SH2D3C: variants seen among roughly 807,000 people sequenced by gnomAD.
The protein encoded by SH2D3C is SH2 domain-containing protein 3C.
SH2D3C carries 25 observed loss-of-function variants against 75.2 expected under a neutral mutation model. The observed-to-expected ratio is 0.33, with a 90% confidence interval of 0.24 to 0.46. SH2D3C has a LOEUF of 0.46. Ranked by LOEUF, SH2D3C falls within the 20% of genes least tolerant of loss-of-function variation. The pLI is 1.00. For synonymous variants in SH2D3C, 450 were observed against 473.7 expected, an observed-to-expected ratio of 0.95 and a Z score of 0.65; for missense variants, 933 against 1,165.3, an observed-to-expected ratio of 0.80 and a Z score of 2.90.
At chr9:127,760,366 T>C (rs956145266) in intron 3 of SH2D3C, among the ~76,000 whole-genome samples, 1 of 152,100 alleles carries the variant, frequency 6.6e-6, no homozygotes, top group African/African-American at 2.4e-5. Context: ...GGCATCAAAC[T>C]TGGGGTGTAA....
chr9:127,764,711 G>GTTGTTT (rs1396962363), intron 2 of SH2D3C, among the ~76,000 whole-genome samples: 1 of 152,090 alleles, frequency 6.6e-6, no homozygotes, highest in African/African-American at 2.4e-5. Context: ...TGTTGTTGTT[G>GTTGTTT]TTGTTGTTGC....
At chr9:127,752,408 C>T (rs978428753) in intron 3 of SH2D3C, among the ~76,000 whole-genome samples, 1 of 152,148 alleles carries the variant, frequency 6.6e-6, no homozygotes, top group Admixed American at 6.5e-5. Context: ...CTTCCCCCAC[C>T]TCCAGGCCCC....
intron 3 of SH2D3C, among the ~76,000 whole-genome samples, chr9:127,753,310 C>T (rs1463708869): frequency 2.0e-5 from 3 of 151,728 alleles, no homozygotes; most frequent in East Asian, 1.9e-4. Flanking sequence ...GGGAGCAGGG[C>T]GGAGGGGTCA....
At chr9:127,766,265 CA>C (rs11286039) in intron 2 of SH2D3C, among the ~76,000 whole-genome samples, 5,408 of 152,310 alleles carry the variant, frequency 0.036, 324 homozygotes, top group African/African-American at 0.12. Flanking sequence ...GAGGCCTGGA[CA>C]TACGTCCTCA....
At chr9:127,748,833 G>A (rs556528023) in intron 5 of SH2D3C, among the ~76,000 whole-genome samples, 20 of 152,330 alleles carry the variant, frequency 1.3e-4, no homozygotes, top group African/African-American at 4.8e-4. Context: ...AGCTGGGTAG[G>A]ATGAGGAGGG....
At position 127,741,922 on chromosome 9, in the gene SH2D3C, G is replaced by C. The variant is rs761551007; in HGVS notation, c.1954C>G (p.Leu652Val). Residue 652 changes from leucine (L) to valine (V), a missense_variant, in exon 9 of 12, where the codon CTG becomes GTG. By Grantham distance (32) the Leu-to-Val change is conservative. Transcript: ENST00000314830. ...TMSIMLAVDI[L>V]GCTGSAEERA... Reference sequence around the variant, plus strand: ...TCCTCCGCAGAGCCGGTGCAGCCCAGGATGTCCACGGCCAGCATGATGGAC... The same window carrying C: ...TCCTCCGCAGAGCCGGTGCAGCCCACGATGTCCACGGCCAGCATGATGGAC... The C allele has an allele frequency of 5.0e-6, 8 of 1,612,772 alleles. No homozygotes were observed. In the African/African-American group the frequency reaches 9.3e-5, roughly 19 times the overall value.
intron 2 of SH2D3C, chr9:127,762,094 C>G (rs550012001): frequency 1.6e-6 from 1 of 635,718 alleles, no homozygotes; most frequent in Admixed American, 5.5e-5. Flanking sequence ...TGGAGGGCCC[C>G]AAGTGGGGAT....
intron 8 of SH2D3C, chr9:127,742,536 C>A: frequency 3.5e-6 from 1 of 284,734 alleles, no homozygotes; most frequent in Non-Finnish European, 6.6e-6. Flanking sequence ...CGCGCCCGGC[C>A]AGGCAGAGCA....
In SH2D3C at chr9:127,757,272, A is replaced by ATT. The variant is rs60217641; in HGVS notation, c.555+4337_555+4338dup. Among the ~76,000 whole-genome samples, 174 of 138,668 alleles carry ATT rather than the reference A, an allele frequency of 1.3e-3. 2 individuals are homozygous for ATT. Among genetic ancestry groups the ATT allele is most frequent in the African/African-American group, 4.2e-3 (155 of 37,070 alleles). The allele number at this position is 138,668 out of a possible 152,430, so 91.0% of individuals were successfully genotyped here. A position where few individuals can be genotyped will look rare whatever the true frequency, so the allele number is the denominator to read the frequency against. ...ATTGATTCCTTTTAACCCTCATTTGATTTTTTTTTTTTTTTGAGAGGCAGG... is the reference window on the plus strand; with the variant it reads ...ATTGATTCCTTTTAACCCTCATTTGATTTTTTTTTTTTTTTTTGAGAGGCAGG... On this transcript the variant is annotated intron_variant, in intron 3 of 11. Coordinates refer to ENST00000314830, the MANE Select transcript of SH2D3C (RefSeq NM_170600.3).
Position 127,761,653 on chromosome 9 carries a change from G to A in SH2D3C, c.516-3C>T, listed in dbSNP as rs1845529787. 2 of 1,610,968 alleles carry A rather than the reference G, an allele frequency of 1.2e-6. No homozygotes were observed. Among genetic ancestry groups the A allele is most frequent in the Non-Finnish European group, 1.7e-6 (2 of 1,178,404 alleles). On this transcript the variant is annotated splice_region_variant and splice_polypyrimidine_tract_variant and intron_variant, in intron 2 of 11. Coordinates refer to ENST00000314830, the MANE Select transcript of SH2D3C (RefSeq NM_170600.3). ...CAGCCTCTGGCTCTCCAGCAGCCCT[G>A]GAAGGAGAAAAGACAAGTGAGCATC...
intron 8 of SH2D3C, 93 bp downstream of exon 8, chr9:127,742,756 G>T: frequency 3.3e-6 from 3 of 903,768 alleles, no homozygotes; most frequent in Non-Finnish European, 5.0e-6. Flanking sequence ...TGGGAGCCGA[G>T]CTGAGGCTGT....
At chr9:127,758,171 G>C (rs1037487633) in intron 3 of SH2D3C, among the ~76,000 whole-genome samples, 2 of 150,832 alleles carry the variant, frequency 1.3e-5, no homozygotes. Flanking sequence ...ACAGGATCTT[G>C]CTATGTTGCC....
Position 127,754,996 on chromosome 9 carries a change from C to A in SH2D3C, c.556-3696G>T. 2 of 657,168 alleles carry A rather than the reference C, an allele frequency of 3.0e-6. No homozygotes were observed. The highest frequency in any genetic ancestry group is 4.2e-6 in the Non-Finnish European group (2 of 478,668). 40.7% of individuals were successfully genotyped at this position (657,168 alleles called of 1,614,324 possible). ...TGCCGGGCGCCGCTGAGCTGCAGCT[C>A]CCCGGCTGGCTCTAGGGCCCCGGGC... On this transcript the variant is annotated intron_variant, in intron 3 of 11. Transcript: ENST00000314830. This position sits in a 1 kb window ranked among gnomAD's most constrained non-coding sequence, Gnocchi z 4.4.
chr9:127,767,333 G>C (rs1409088899), intron 2 of SH2D3C: 1 of 1,428,222 alleles, frequency 7.0e-7, no homozygotes, highest in African/African-American at 1.4e-5. Context: ...GGGAACGCCT[G>C]GATCTCGAAG....
In SH2D3C at chr9:127,778,582, C is replaced by T. The variant is rs754152161; in HGVS notation, c.37+9G>A. On this transcript the variant is annotated intron_variant, in intron 1 of 11. Transcript: ENST00000314830. Reference sequence around the variant, plus strand: ...ATGGAGGACAGTGCAGACGGCACCCCACACTCACTGAACTTTTTGCTGGTC... The same window carrying T: ...ATGGAGGACAGTGCAGACGGCACCCTACACTCACTGAACTTTTTGCTGGTC... The T allele has an allele frequency of 4.3e-6, 7 of 1,609,274 alleles. No homozygotes were observed. In the African/African-American group the frequency reaches 5.3e-5, roughly 12 times the overall value.
chr9:127,763,094 C>T (rs1380113265), intron 2 of SH2D3C, among the ~76,000 whole-genome samples: 1 of 152,218 alleles, frequency 6.6e-6, no homozygotes, highest in East Asian at 1.9e-4. Context: ...AGGGCCTTCG[C>T]ACTTGCTGTT....
chr9:127,749,137 T>C lies in SH2D3C; in HGVS notation c.1139+74A>G. 1.8e-6 allele frequency: 2 copies of C among 1,081,562 alleles called. No individual in the cohort carries two copies. Among genetic ancestry groups the C allele is most frequent in the Non-Finnish European group, 2.7e-6 (2 of 750,648 alleles). 67.0% of individuals were successfully genotyped at this position (1,081,562 alleles called of 1,614,324 possible). ...AGAGTAATTTCATCCCATTTCAGTG[T>C]ACCTAGGCCTTCTCTTTCTCACTAG... is the stretch of plus-strand genomic sequence containing the variant. On this transcript the variant is annotated intron_variant, in intron 5 of 11. Coordinates refer to ENST00000314830, the MANE Select transcript of SH2D3C (RefSeq NM_170600.3). This position sits in a 1 kb window ranked among gnomAD's most constrained non-coding sequence, Gnocchi z 5.9.
intron 2 of SH2D3C, among the ~76,000 whole-genome samples, chr9:127,768,103 C>T (rs1845669098): frequency 6.6e-6 from 1 of 152,190 alleles, no homozygotes; most frequent in South Asian, 2.1e-4. Context: ...CAGCTGGGCC[C>T]CTTCGGAAGA....
At chr9:127,743,538 G>A (rs1331295891) in intron 7 of SH2D3C, among the ~76,000 whole-genome samples, 1 of 152,104 alleles carries the variant, frequency 6.6e-6, no homozygotes, top group Non-Finnish European at 1.5e-5. Context: ...TAAATATTCA[G>A]TTAAGGTTAA....
Sources: gnomAD v4.1 joint callset for allele counts (sites outside exome capture counted in the v4.1 genomes callset) on GRCh38, gnomAD v4.1.1 for gene constraint, Gnocchi (gnomAD v3.1) non-coding constraint, MANE v1.5 for transcripts, NCBI Gene and HGNC (gene_info 2026-07-23, HGNC 2026-07-21) for gene names.